Variants in ADGRB3 observed in about 807,000 individuals in gnomAD.
ADGRB3 encodes adhesion G protein-coupled receptor B3, also known as brain-specific angiogenesis inhibitor 3.
Under a neutral mutation model 193.4 loss-of-function variants are expected in ADGRB3, and 37 were observed. The ratio of observed to expected loss-of-function variants is 0.19; its 90% CI spans 0.15 to 0.25. The LOEUF (loss-of-function observed/expected upper bound fraction) is 0.25, where lower values mean the gene tolerates loss of function less well. Among genes scored for constraint, ADGRB3 ranks in the 10% least tolerant of loss-of-function variants. ADGRB3 has a pLI of 1.00. For synonymous variants in ADGRB3, 690 were observed against 644.2 expected (o/e 1.07, Z -1.08); for missense variants, 1,637 against 1,852.9 (o/e 0.88, Z 2.14).
intron 3 of ADGRB3, among the ~76,000 whole-genome samples, chr6:68,858,898 A>G (rs1307425586): frequency 6.6e-6 from 1 of 152,044 alleles, no homozygotes. Flanking sequence ...GATCTCTCAC[A>G]TGCCCTTGAG....
At chr6:69,251,758 G>A (rs1254191682) in intron 20 of ADGRB3, among the ~76,000 whole-genome samples, 1 of 152,044 alleles carries the variant, frequency 6.6e-6, no homozygotes, top group Admixed American at 6.6e-5. Flanking sequence ...ACCTGACATA[G>A]CTACCCTTTT....
chr6:68,992,232 A>G (rs1477701878), intron 10 of ADGRB3, among the ~76,000 whole-genome samples: 1 of 152,222 alleles, frequency 6.6e-6, no homozygotes, highest in Non-Finnish European at 1.5e-5. Context: ...AGAAGAGACC[A>G]TGGAAGAAAA....
At chr6:69,322,039 G>A (rs1288425887) in intron 20 of ADGRB3, among the ~76,000 whole-genome samples, 3 of 151,772 alleles carry the variant, frequency 2.0e-5, no homozygotes, top group Non-Finnish European at 4.4e-5. Flanking sequence ...CCCAGTGTCT[G>A]TTGTTCTCCT....
intron 3 of ADGRB3, among the ~76,000 whole-genome samples, chr6:68,886,722 T>C (rs150319902): frequency 6.2e-4 from 95 of 152,150 alleles, no homozygotes; most frequent in African/African-American, 2.1e-3. Context: ...ATAGAACCAT[T>C]GTTCATGTTT....
intron 3 of ADGRB3, among the ~76,000 whole-genome samples, chr6:68,784,575 T>C (rs1490709878): frequency 1.3e-5 from 2 of 152,110 alleles, no homozygotes; most frequent in East Asian, 3.8e-4. Flanking sequence ...TGTCTACATC[T>C]CAAAAATTTC....
At chr6:68,832,282 C>T (rs1486733005) in intron 3 of ADGRB3, among the ~76,000 whole-genome samples, 5 of 151,988 alleles carry the variant, frequency 3.3e-5, no homozygotes, top group African/African-American at 7.3e-5. Context: ...CTTCTATAAA[C>T]CTGAGAAAGG....
chr6:69,005,382 T>C (rs1769717929), intron 11 of ADGRB3, among the ~76,000 whole-genome samples: 1 of 151,584 alleles, frequency 6.6e-6, no homozygotes, highest in African/African-American at 2.4e-5. Flanking sequence ...TATAAAAAAT[T>C]CCCCATCTGA....
intron 17 of ADGRB3, among the ~76,000 whole-genome samples, chr6:69,189,389 A>G (rs1368817347): frequency 6.6e-6 from 1 of 152,166 alleles, no homozygotes; most frequent in Non-Finnish European, 1.5e-5. Context: ...TTTTGTCCAC[A>G]TTGATGCTGT....
intron 16 of ADGRB3, among the ~76,000 whole-genome samples, chr6:69,066,142 C>T (rs1771898036): frequency 6.6e-6 from 1 of 151,344 alleles, no homozygotes; most frequent in Non-Finnish European, 1.5e-5. Flanking sequence ...CACCCATCCC[C>T]CCACCTCCAA....
At position 68,778,776 on chromosome 6, in the gene ADGRB3, A is replaced by G. The variant is rs1017823975; in HGVS notation, c.757+139344A>G. Among the ~76,000 whole-genome samples, 5 of 152,042 alleles carry G rather than the reference A, an allele frequency of 3.3e-5. No individual in the cohort carries two copies. In the East Asian group the frequency reaches 5.8e-4, roughly 18 times the overall value. On this transcript the variant is annotated intron_variant, in intron 3 of 31. Coordinates refer to ENST00000370598, the MANE Select transcript of ADGRB3 (RefSeq NM_001704.3). ...AAAATACTACCTCTCTCCAGTCCCC[A>G]TTTTCCCCCATTCTGATGCAGGATT...
intron 3 of ADGRB3, among the ~76,000 whole-genome samples, chr6:68,912,344 T>A (rs1766738950): frequency 3.3e-5 from 5 of 151,594 alleles, no homozygotes; most frequent in Admixed American, 2.0e-4. Flanking sequence ...ATCTTCTTTT[T>A]TTATTATTTT....
chr6:69,048,636 T>C (rs2150302010), intron 14 of ADGRB3, among the ~76,000 whole-genome samples: 1 of 152,292 alleles, frequency 6.6e-6, no homozygotes, highest in East Asian at 1.9e-4. Flanking sequence ...GACTAATATT[T>C]TACCTTTAGC....
chr6:68,761,839 G>A (rs2127351512), intron 3 of ADGRB3, among the ~76,000 whole-genome samples: 1 of 152,254 alleles, frequency 6.6e-6, no homozygotes, highest in East Asian at 1.9e-4. Context: ...ATGGAAAATT[G>A]TTATGAGACC....
At chr6:68,778,202 T>C (rs1054742486) in intron 3 of ADGRB3, among the ~76,000 whole-genome samples, 8 of 152,096 alleles carry the variant, frequency 5.3e-5, no homozygotes, top group Non-Finnish European at 1.2e-4. Flanking sequence ...TTAGAGATTC[T>C]GGACTGGATT....
chr6:69,148,014 A>C (rs1774554531), intron 17 of ADGRB3, among the ~76,000 whole-genome samples: 1 of 151,830 alleles, frequency 6.6e-6, no homozygotes, highest in African/African-American at 2.4e-5. Context: ...CTTTCAGTCT[A>C]TTTGTGTTTT....
chr6:68,895,402 T>C (rs1033502712), intron 3 of ADGRB3, among the ~76,000 whole-genome samples: 1 of 151,986 alleles, frequency 6.6e-6, no homozygotes, highest in African/African-American at 2.4e-5. Flanking sequence ...TGTGATGACA[T>C]CTTTCTAGGA....
At chr6:68,727,063 A>G (rs892344327) in intron 3 of ADGRB3, among the ~76,000 whole-genome samples, 9 of 151,552 alleles carry the variant, frequency 5.9e-5, no homozygotes, top group Non-Finnish European at 1.3e-4. Context: ...CTCTTGTCCA[A>G]TATCCGTGTG....
chr6:69,068,194 C>G (rs751638538), intron 16 of ADGRB3, among the ~76,000 whole-genome samples: 2 of 152,130 alleles, frequency 1.3e-5, no homozygotes, highest in African/African-American at 2.4e-5. Flanking sequence ...ATCCTAATCC[C>G]CAGAATCTAT....
chr6:68,639,436 A>G lies in ADGRB3; in HGVS notation c.757+4A>G, dbSNP rs1181586068. On this transcript the variant is annotated splice_donor_region_variant and intron_variant, in intron 3 of 31. Transcript: ENST00000370598. Reference sequence around the variant, plus strand: ...GCCAAGCGACCACCCAAAGAAGGTAAGTGCCAAAGAGAGGGGAAGGTGAGC... The same window carrying G: ...GCCAAGCGACCACCCAAAGAAGGTAGGTGCCAAAGAGAGGGGAAGGTGAGC... 3 of 1,593,480 alleles carry G rather than the reference A, an allele frequency of 1.9e-6. No individual in the cohort carries two copies. The highest frequency in any genetic ancestry group is 2.6e-6 in the Non-Finnish European group (3 of 1,170,058).
Sources: allele counts gnomAD v4.1 joint callset (sites outside exome capture counted in the v4.1 genomes callset), GRCh38; gene constraint gnomAD v4.1.1; transcripts MANE v1.5; gene names NCBI Gene and HGNC (gene_info 2026-07-23, HGNC 2026-07-21).